The following ZNF121 variants were observed in gnomAD, a reference collection of about 807,000 sequenced individuals.
The protein encoded by ZNF121 is zinc finger protein 121 (clone ZHC32).
A neutral mutation model predicts 2.4 loss-of-function variants in ZNF121; 1 was observed. The ratio of observed to expected loss-of-function variants is 0.41; its 90% confidence interval spans 0.15 to 1.94. ZNF121 has a LOEUF of 1.94. ZNF121 is among the 30% of genes most tolerant of loss of function. The probability of loss-of-function intolerance (pLI) is 0.30; values close to 1 mark genes in which losing one functional copy is unlikely to be tolerated. For missense variants in ZNF121, 369 were observed against 466.3 expected (o/e 0.79, Z 1.92); for synonymous variants, 173 against 158.6 (o/e 1.09, Z -0.68).
intron 1 of ZNF121, among the ~76,000 whole-genome samples, chr19:9,574,205 G>C (rs2074194257): frequency 6.6e-6 from 1 of 151,948 alleles, no homozygotes; most frequent in African/African-American, 2.4e-5. Context: ...CAGTGCAATG[G>C]CGCGATCTCG....
Position 9,565,875 on chromosome 19 carries a change from T to C in ZNF121, c.*65A>G. ...AATTTCTCTTCAGTGTGAATTCAAA[T>C]GTGGTAATTATGGTATGAGAAATTC... On this transcript the variant is annotated 3_prime_UTR_variant, in exon 4 of 4. Transcript: ENST00000320451. 2 of 1,276,354 alleles carry C rather than the reference T, an allele frequency of 1.6e-6. No individual in the cohort carries two copies. Among genetic ancestry groups the C allele is most frequent in the Non-Finnish European group, 2.1e-6 (2 of 939,960 alleles). 79.1% of individuals were successfully genotyped at this position (1,276,354 alleles called of 1,614,324 possible).
At position 9,583,961 on chromosome 19, in the gene ZNF121, A is replaced by G. The variant is rs140745535; in HGVS notation, c.-160+500T>C. On this transcript the variant is annotated intron_variant, in intron 1 of 3. Coordinates refer to ENST00000320451, the MANE Select transcript of ZNF121 (RefSeq NM_001008727.5). ...AACGACTATTTTTTTTCCATCAGAA[A>G]GTAATGTGTCAAAAATAAGAATAGG... is the stretch of plus-strand genomic sequence containing the variant. Among the ~76,000 whole-genome samples the G allele has an allele frequency of 1.5e-3, 225 of 152,342 alleles. 3 individuals are homozygous for G. Among genetic ancestry groups the G allele is most frequent in the African/African-American group, 5.2e-3 (217 of 41,584 alleles).
Position 9,566,989 on chromosome 19 carries a change from C to T in ZNF121, c.124G>A (p.Asp42Asn). The change falls in exon 4 of 4, where the codon GAT becomes AAT. Residue 42 changes from aspartate to asparagine, a missense_variant. Around this residue, in one of 4 missense-constraint regions of ZNF121, gnomAD observed 168 missense variants for 162.3 expected, o/e 1.03. Coordinates refer to ENST00000320451, the MANE Select transcript of ZNF121 (RefSeq NM_001008727.5). ...TENTGDTYDCDEYGENFPMLH... is the reference protein window; with the variant it reads ...TENTGDTYDCNEYGENFPMLH... ...ATGGGAAAGTTTTCTCCATACTCATCACAGTCATAAGTGTCCCCTGTATTT... is the reference window on the plus strand; with the variant it reads ...ATGGGAAAGTTTTCTCCATACTCATTACAGTCATAAGTGTCCCCTGTATTT... The T allele has an allele frequency of 6.2e-7, 1 of 1,614,178 alleles. No individual in the cohort carries two copies.
At chr19:9,580,506 G>T (rs2074241404) in intron 1 of ZNF121, among the ~76,000 whole-genome samples, 1 of 151,256 alleles carries the variant, frequency 6.6e-6, no homozygotes, top group African/African-American at 2.4e-5. Context: ...AAAAAACTCA[G>T]TATGGGGGTT....
At chr19:9,575,898 CAGT>C (rs2074207103) in intron 1 of ZNF121, among the ~76,000 whole-genome samples, 1 of 95,438 alleles carries the variant, frequency 1.0e-5, no homozygotes, top group African/African-American at 7.3e-5. Context: ...CACTGCAGTG[CAGT>C]AATAATAGTA....
Position 9,563,080 on chromosome 19 carries a change from A to G in ZNF121, c.*2860T>C, listed in dbSNP as rs2074110432. The G allele has an allele frequency of 6.8e-6, 1 of 148,116 alleles. No homozygotes were observed. Among genetic ancestry groups the G allele is most frequent in the South Asian group, 2.1e-4 (1 of 4,766 alleles). 9.2% of individuals were successfully genotyped at this position (148,116 alleles called of 1,614,324 possible). On this transcript the variant is annotated 3_prime_UTR_variant, in exon 4 of 4. Coordinates refer to ENST00000320451, the MANE Select transcript of ZNF121 (RefSeq NM_001008727.5). The stretch of plus-strand genomic sequence containing the variant: ...AAAAAAAAAAAAAAAAAAAACTGGG[A>G]TAGGCCAAAATCTAGGCCTCTTGTG...
chr19:9,581,197 A>G (rs1228695628), intron 1 of ZNF121, among the ~76,000 whole-genome samples: 3 of 152,252 alleles, frequency 2.0e-5, no homozygotes, highest in Non-Finnish European at 4.4e-5. Flanking sequence ...AAGGATTCTT[A>G]GCAAAGCAAT....
intron 1 of ZNF121, among the ~76,000 whole-genome samples, chr19:9,578,161 G>A (rs1310229892): frequency 6.6e-6 from 1 of 152,056 alleles, no homozygotes; most frequent in East Asian, 1.9e-4. Flanking sequence ...GGTGGAACTT[G>A]CAGTGAGCCG....
intron 1 of ZNF121, among the ~76,000 whole-genome samples, chr19:9,570,076 C>G (rs577057497): frequency 6.6e-6 from 1 of 151,668 alleles, no homozygotes; most frequent in Non-Finnish European, 1.5e-5. Flanking sequence ...CGTGGTGGCA[C>G]GTGCCTGTAG....
At chr19:9,572,572 C>T (rs2074181589) in intron 1 of ZNF121, among the ~76,000 whole-genome samples, 1 of 152,122 alleles carries the variant, frequency 6.6e-6, no homozygotes, top group Non-Finnish European at 1.5e-5. Flanking sequence ...TCAGGAGCAC[C>T]ATACTGTAGG....
chr19:9,563,774 A>C lies in ZNF121; in HGVS notation c.*2166T>G, dbSNP rs1018743144. 1 of 152,196 alleles carries C rather than the reference A, an allele frequency of 6.6e-6. No individual in the cohort carries two copies. The highest frequency in any genetic ancestry group is 1.5e-5 in the Non-Finnish European group (1 of 68,030). The allele number at this position is 152,196 out of a possible 1,614,324, so 9.4% of individuals were successfully genotyped here. A position where few individuals can be genotyped will look rare whatever the true frequency, so the allele number is the denominator to read the frequency against. On this transcript the variant is annotated 3_prime_UTR_variant, in exon 4 of 4. Transcript: ENST00000320451. ...CAATGCAGTTGGTGACTTTAAATGAATGCTAATATTCAATTACCATTCCAA... is the reference window on the plus strand; with the variant it reads ...CAATGCAGTTGGTGACTTTAAATGACTGCTAATATTCAATTACCATTCCAA...
intron 1 of ZNF121, among the ~76,000 whole-genome samples, chr19:9,577,329 A>G (rs1194527547): frequency 6.6e-6 from 1 of 152,120 alleles, no homozygotes; most frequent in East Asian, 1.9e-4. Flanking sequence ...GTGCGCCTGT[A>G]GTCCCTGCTA....
At chr19:9,576,862 G>C (rs570646378) in intron 1 of ZNF121, among the ~76,000 whole-genome samples, 2 of 152,206 alleles carry the variant, frequency 1.3e-5, no homozygotes, top group South Asian at 4.2e-4. Context: ...AAGCCTGGAA[G>C]AAATGGACAA....
chr19:9,574,055 G>A (rs1053738687), intron 1 of ZNF121, among the ~76,000 whole-genome samples: 6 of 150,786 alleles, frequency 4.0e-5, no homozygotes, highest in African/African-American at 1.5e-4. Flanking sequence ...TAGAGACGGG[G>A]CTTCACCATG....
intron 1 of ZNF121, among the ~76,000 whole-genome samples, chr19:9,583,747 T>C (rs976437232): frequency 6.6e-6 from 1 of 152,038 alleles, no homozygotes; most frequent in African/African-American, 2.4e-5. Context: ...TCAGGTGATC[T>C]GCCCGCCTCG....
chr19:9,565,825 C>A lies in ZNF121; in HGVS notation c.*115G>T. The stretch of plus-strand genomic sequence containing the variant: ...GAAGTGAATGGGGATAACTGAAGGC[C>A]TCCTCACATTCTTTGTACCAATAAA... On this transcript the variant is annotated 3_prime_UTR_variant, in exon 4 of 4. Coordinates refer to ENST00000320451, the MANE Select transcript of ZNF121 (RefSeq NM_001008727.5). 1.3e-6 allele frequency: 1 copy of A among 772,064 alleles called. No individual in the cohort carries two copies. Among genetic ancestry groups the A allele is most frequent in the Non-Finnish European group, 2.0e-6 (1 of 501,166 alleles). The allele number at this position is 772,064 out of a possible 1,614,324, so 47.8% of individuals were successfully genotyped here.
At chr19:9,575,137 C>T (rs969289823) in intron 1 of ZNF121, among the ~76,000 whole-genome samples, 3 of 152,154 alleles carry the variant, frequency 2.0e-5, no homozygotes, top group Non-Finnish European at 4.4e-5. Context: ...ATACCGTATT[C>T]AGGTCAGCAC....
chr19:9,583,039 CT>C, intron 1 of ZNF121, among the ~76,000 whole-genome samples: 1 of 132,708 alleles, frequency 7.5e-6, no homozygotes, highest in Non-Finnish European at 1.6e-5. Context: ...TGGTGAAACC[CT>C]GTCTCCACTA....
At chr19:9,581,014 G>A (rs549893883) in intron 1 of ZNF121, among the ~76,000 whole-genome samples, 42 of 152,286 alleles carry the variant, frequency 2.8e-4, no homozygotes, top group Middle Eastern at 3.4e-3. Context: ...AACAAAGGTT[G>A]TCAGCTTCTC....
Sources: gnomAD v4.1 joint callset for allele counts (sites outside exome capture counted in the v4.1 genomes callset) on GRCh38, gnomAD v4.1.1 for gene constraint, gnomAD v4.1.1 regional missense constraint, MANE v1.5 for transcripts, NCBI Gene and HGNC (gene_info 2026-07-23, HGNC 2026-07-21) for gene names.